The following ELFN2 variants were observed in gnomAD, a reference collection of about 807,000 sequenced individuals.
ELFN2 encodes extracellular leucine rich repeat and fibronectin type III domain containing 2.
Under a neutral mutation model 45.5 loss-of-function variants are expected in ELFN2, and 17 were observed. The observed-to-expected ratio is 0.37, with a 90% confidence interval of 0.26 to 0.56. The LOEUF is 0.56. Among genes scored for constraint, ELFN2 ranks in the 20% least tolerant of loss-of-function variants. ELFN2 has a pLI of 0.77. For synonymous variants in ELFN2, 550 were observed against 551.5 expected, an observed-to-expected ratio of 1.00 and a Z score of 0.04; for missense variants, 922 against 1,183.2, an observed-to-expected ratio of 0.78 and a Z score of 3.24.
Position 37,374,343 on chromosome 22 carries a change from T to C in ELFN2, c.1192A>G (p.Ile398Val), listed in dbSNP as rs574799796. The C allele has an allele frequency of 2.5e-6, 4 of 1,613,902 alleles. No homozygotes were observed. In the South Asian group the frequency reaches 4.4e-5, roughly 18 times the overall value. Residue 398 changes from isoleucine to valine, a missense_variant, in exon 3 of 3, where the codon ATC (isoleucine) becomes GTC (valine). Physicochemically the swap from Ile to Val is conservative, Grantham distance 29 (BLOSUM62 3). Transcript: ENST00000402918. ...AAGAGGCAGCCCAGGATGGTCATGA[T>C]GTAGTGGGTGGTGGTGGAGGTGCTG... Reference protein sequence around the residue: ...APSTSTTTHYIMTILGCLFGM... With the variant: ...APSTSTTTHYVMTILGCLFGM...
At position 37,373,866 on chromosome 22, in the gene ELFN2, G is replaced by A; in HGVS notation, c.1669C>T (p.Leu557=). The change falls in exon 3 of 3, where the codon CTG becomes TTG. Residue 557 remains leucine, a synonymous_variant. Transcript: ENST00000402918. ...IINNCIDALK[L]DSASFLGGGS... is the part of the protein sequence containing the mutation. ...CCTCCCAGAAAAGAGGCCGAGTCCA[G>A]CTTGAGAGCATCGATGCAGTTGTTA... The A allele has an allele frequency of 1.9e-6, 3 of 1,613,418 alleles. No homozygotes were observed. Among genetic ancestry groups the A allele is most frequent in the South Asian group, 1.1e-5 (1 of 91,092 alleles).
chr22:37,390,202 G>A (rs930143148), intron 2 of ELFN2, among the ~76,000 whole-genome samples: 1 of 152,246 alleles, frequency 6.6e-6, no homozygotes, highest in Non-Finnish European at 1.5e-5. Flanking sequence ...TGTGAGGAGT[G>A]TAAACAGTAA....
chr22:37,392,643 G>A (rs998099003), intron 2 of ELFN2, among the ~76,000 whole-genome samples: 12 of 152,148 alleles, frequency 7.9e-5, no homozygotes, highest in Admixed American at 3.3e-4. Flanking sequence ...TTTTATGCCC[G>A]TTCTGCAGAT....
Position 37,369,005 on chromosome 22 carries a change from T to C in ELFN2, c.*4067A>G, listed in dbSNP as rs950683889. 1.3e-5 allele frequency: 2 copies of C among 151,854 alleles called. No homozygotes were observed. The highest frequency in any genetic ancestry group is 2.9e-5 in the Non-Finnish European group (2 of 68,010). 9.4% of individuals were successfully genotyped at this position (151,854 alleles called of 1,614,324 possible). A position where few individuals can be genotyped will look rare whatever the true frequency, so the allele number is the denominator to read the frequency against. ...CCCCTCCCCCATCACCCTATTTTAA[T>C]TTTCTGCAAGGCGCCAGTCACTAGG... On this transcript the variant is annotated 3_prime_UTR_variant, in exon 3 of 3. Coordinates refer to ENST00000402918, the MANE Select transcript of ELFN2 (RefSeq NM_052906.5).
chr22:37,365,386 A>G (rs1931181372), downstream of ELFN2, among the ~76,000 whole-genome samples: 1 of 152,042 alleles, frequency 6.6e-6, no homozygotes, highest in Non-Finnish European at 1.5e-5. Flanking sequence ...GGAACTGTCA[A>G]CTCCTTCAAA....
chr22:37,361,644 A>T (rs1399625714), intron 1 of ELFN2, among the ~76,000 whole-genome samples: 1 of 152,152 alleles, frequency 6.6e-6, no homozygotes, highest in African/African-American at 2.4e-5. Context: ...CCATTAACTC[A>T]GAGCCCAGGC....
intron 1 of ELFN2, 138 bp from the exon 2 acceptor site, chr22:37,418,057 G>A (rs1342338206): frequency 6.6e-6 from 1 of 152,422 alleles, no homozygotes; most frequent in Non-Finnish European, 1.5e-5. Context: ...GGTTTCCCAT[G>A]GCAACCGAAT....
In ELFN2 at chr22:37,393,064, G is replaced by A. The variant is rs1932124275; in HGVS notation, c.-462-17068C>T. ...AACCCCTCTTTCACAGAGGGGGACAGCGCCCAGGCCCCGGGGCTAGCAGGC... is the reference window on the plus strand; with the variant it reads ...AACCCCTCTTTCACAGAGGGGGACAACGCCCAGGCCCCGGGGCTAGCAGGC... On this transcript the variant is annotated intron_variant, in intron 2 of 2. Coordinates refer to ENST00000402918, the MANE Select transcript of ELFN2 (RefSeq NM_052906.5). Among the ~76,000 whole-genome samples, 2 of 152,174 alleles carry A rather than the reference G, an allele frequency of 1.3e-5. 1 individual carries two copies. Among genetic ancestry groups the A allele is most frequent in the South Asian group, 4.1e-4 (2 of 4,822 alleles).
chr22:37,411,189 A>G (rs1461683715), intron 2 of ELFN2, among the ~76,000 whole-genome samples: 1 of 152,198 alleles, frequency 6.6e-6, no homozygotes, highest in East Asian at 1.9e-4. Flanking sequence ...GGGAACTGAC[A>G]GCTGGGCCCA....
chr22:37,399,228 T>G (rs1322699444), intron 2 of ELFN2, among the ~76,000 whole-genome samples: 1 of 151,992 alleles, frequency 6.6e-6, no homozygotes, highest in Non-Finnish European at 1.5e-5. Context: ...GCCCAGTGAG[T>G]GCTACTTCTC....
At chr22:37,424,194 C>A (rs894312372) in intron 1 of ELFN2, among the ~76,000 whole-genome samples, 1 of 152,100 alleles carries the variant, frequency 6.6e-6, no homozygotes, top group Non-Finnish European at 1.5e-5. Context: ...CCCAGCCCTG[C>A]ACACGGTTGT....
chr22:37,404,982 G>A (rs1932458534), intron 2 of ELFN2, among the ~76,000 whole-genome samples: 1 of 152,126 alleles, frequency 6.6e-6, no homozygotes, highest in Admixed American at 6.5e-5. Flanking sequence ...GCTACCTGCT[G>A]GTGATCAAGA....
intron 2 of ELFN2, among the ~76,000 whole-genome samples, chr22:37,395,326 A>G (rs1307103228): frequency 6.6e-6 from 1 of 152,012 alleles, no homozygotes; most frequent in Non-Finnish European, 1.5e-5. Flanking sequence ...TCGAGTGCCG[A>G]CCACACGCCA....
chr22:37,412,014 C>G (rs552097923), intron 2 of ELFN2, among the ~76,000 whole-genome samples: 9 of 152,048 alleles, frequency 5.9e-5, no homozygotes, highest in Non-Finnish European at 1.0e-4. Flanking sequence ...AACCTCCGCT[C>G]AGAGGACCAT....
At chr22:37,410,292 C>T (rs571352336) in intron 2 of ELFN2, among the ~76,000 whole-genome samples, 2 of 152,232 alleles carry the variant, frequency 1.3e-5, no homozygotes, top group East Asian at 3.9e-4. Context: ...CCACTTTAGG[C>T]TGGTCCAGGG....
At chr22:37,366,658 C>T (rs1274832932), downstream of ELFN2, among the ~76,000 whole-genome samples, 1 of 152,232 alleles carries the variant, frequency 6.6e-6, no homozygotes, top group East Asian at 1.9e-4. Context: ...CCTGTCAGGG[C>T]CCAGGCCCTA....
intron 2 of ELFN2, among the ~76,000 whole-genome samples, chr22:37,379,666 G>A (rs374331048): frequency 1.8e-4 from 27 of 152,316 alleles, no homozygotes; most frequent in African/African-American, 6.5e-4. Flanking sequence ...GGACATTCAT[G>A]GGCAGAGAGG....
At chr22:37,357,588 G>T (rs753301522) in intron 1 of ELFN2, among the ~76,000 whole-genome samples, 9 of 152,188 alleles carry the variant, frequency 5.9e-5, no homozygotes, top group Non-Finnish European at 1.3e-4. Flanking sequence ...TTGGCTCTAA[G>T]AATTTGTGTC....
At chr22:37,393,558 C>G (rs1313474045) in intron 2 of ELFN2, among the ~76,000 whole-genome samples, 1 of 152,216 alleles carries the variant, frequency 6.6e-6, no homozygotes, top group Non-Finnish European at 1.5e-5. Flanking sequence ...ATAACAGCAC[C>G]CAGCACTTCC....
Sources: gnomAD v4.1 joint callset for allele counts (sites outside exome capture counted in the v4.1 genomes callset) on GRCh38, gnomAD v4.1.1 for gene constraint, MANE v1.5 for transcripts, NCBI Gene and HGNC (gene_info 2026-07-23, HGNC 2026-07-21) for gene names.